The following SCHIP1 variants were observed in gnomAD, a reference collection of about 807,000 sequenced individuals.
SCHIP1 encodes the protein schwannomin-interacting protein 1.
SCHIP1 carries 8 observed loss-of-function variants against 29.7 expected under a neutral mutation model. The ratio of observed to expected loss-of-function variants is 0.27; its 90% CI spans 0.16 to 0.49. The LOEUF is 0.49. Ranked by LOEUF, SCHIP1 falls within the 20% of genes least tolerant of loss-of-function variation. The pLI, the probability that SCHIP1 is intolerant of heterozygous loss-of-function variation, is 0.99. For missense variants in SCHIP1, 193 were observed against 294.6 expected, an observed-to-expected ratio of 0.66 and a Z score of 2.52; for synonymous variants, 76 against 94.9, an observed-to-expected ratio of 0.80 and a Z score of 1.16.
At chr3:159,368,011 T>TCTAA in the SCHIP1 span, among the ~76,000 whole-genome samples, 3 of 152,168 alleles carry the variant, frequency 2.0e-5, no homozygotes, top group Non-Finnish European at 2.9e-5. Flanking sequence ...ATTCCAACTT[T>TCTAA]CTAACTATTG....
the SCHIP1 span, among the ~76,000 whole-genome samples, chr3:159,782,950 G>A: frequency 1.3e-5 from 2 of 152,202 alleles, no homozygotes; most frequent in East Asian, 3.8e-4. Context: ...TTCATCTGCG[G>A]CAGCATGTCC....
intron 2 of SCHIP1, among the ~76,000 whole-genome samples, chr3:159,875,972 A>G (rs1264162710): frequency 6.6e-6 from 1 of 152,232 alleles, no homozygotes; most frequent in Non-Finnish European, 1.5e-5. Context: ...ATTTCTGATG[A>G]GAACAGAAAC....
the SCHIP1 span, among the ~76,000 whole-genome samples, chr3:159,694,110 T>C: frequency 3.1e-3 from 472 of 152,324 alleles, 3 homozygotes; most frequent in Middle Eastern, 0.01. Context: ...CATATCATGA[T>C]CTACTTAACA....
the SCHIP1 span, among the ~76,000 whole-genome samples, chr3:159,410,984 A>G: frequency 0.01 from 1,573 of 152,256 alleles, 34 homozygotes; most frequent in African/African-American, 0.036. Context: ...CAACATGGAT[A>G]GAACTAGAGG....
the SCHIP1 span, among the ~76,000 whole-genome samples, chr3:159,811,049 C>T: frequency 6.6e-6 from 1 of 152,160 alleles, no homozygotes; most frequent in African/African-American, 2.4e-5. Context: ...TCATTTACCT[C>T]ACGACTAATG....
the SCHIP1 span, among the ~76,000 whole-genome samples, chr3:159,665,844 C>T: frequency 3.3e-5 from 5 of 152,130 alleles, no homozygotes; most frequent in African/African-American, 1.2e-4. Flanking sequence ...AGGCATTTCC[C>T]ATTAGTCCTC....
At chr3:159,527,130 C>T in the SCHIP1 span, among the ~76,000 whole-genome samples, 4 of 152,182 alleles carry the variant, frequency 2.6e-5, no homozygotes, top group Non-Finnish European at 5.9e-5. Flanking sequence ...AATTCCCTTT[C>T]ACAACTTTCT....
the SCHIP1 span, among the ~76,000 whole-genome samples, chr3:159,618,884 A>G: frequency 3.9e-3 from 596 of 152,358 alleles, 4 homozygotes; most frequent in Non-Finnish European, 3.8e-3. Context: ...CGGAAGCCAC[A>G]TGGCCTAGGC....
chr3:159,609,727 T>TG, the SCHIP1 span, among the ~76,000 whole-genome samples: 4 of 152,164 alleles, frequency 2.6e-5, no homozygotes, highest in Non-Finnish European at 2.9e-5. Context: ...CTACGAGCCC[T>TG]GGACGACTCG....
At chr3:159,411,413 ACT>A in the SCHIP1 span, among the ~76,000 whole-genome samples, 1 of 152,064 alleles carries the variant, frequency 6.6e-6, no homozygotes, top group East Asian at 1.9e-4. Flanking sequence ...ATGTATACCT[ACT>A]CTGTGACCAG....
At chr3:159,713,243 A>AGAAG in the SCHIP1 span, among the ~76,000 whole-genome samples, 1 of 128,326 alleles carries the variant, frequency 7.8e-6, no homozygotes, top group South Asian at 2.3e-4. Flanking sequence ...GAAGAAAGAA[A>AGAAG]GAAAGAAAGA....
At chr3:159,668,775 C>G in the SCHIP1 span, among the ~76,000 whole-genome samples, 25 of 152,176 alleles carry the variant, frequency 1.6e-4, no homozygotes, top group South Asian at 2.1e-4. Flanking sequence ...ACTCTTTCCT[C>G]TTTCTGCAGT....
intron 6 of SCHIP1, chr3:159,894,623 T>C (rs1173464165): frequency 6.6e-6 from 1 of 151,718 alleles, no homozygotes; most frequent in African/African-American, 2.4e-5. Flanking sequence ...AAAACAGAGG[T>C]GATGTCATTT....
At chr3:159,514,335 A>G in the SCHIP1 span, among the ~76,000 whole-genome samples, 1 of 152,252 alleles carries the variant, frequency 6.6e-6, no homozygotes, top group Non-Finnish European at 1.5e-5. Context: ...ATTAGTCACT[A>G]TAGTACATTC....
At chr3:159,432,339 T>TGAGAGA in the SCHIP1 span, among the ~76,000 whole-genome samples, 244 of 69,312 alleles carry the variant, frequency 3.5e-3, 12 homozygotes, top group South Asian at 0.016. Context: ...TGTGTGTGTG[T>TGAGAGA]GAGAGAGAGA....
chr3:159,299,917 T>C, the SCHIP1 span, among the ~76,000 whole-genome samples: 1 of 152,096 alleles, frequency 6.6e-6, no homozygotes, highest in Non-Finnish European at 1.5e-5. Context: ...AGTAGGAGAC[T>C]ATAAATTGTC....
At chr3:159,778,928 CCA>C in the SCHIP1 span, among the ~76,000 whole-genome samples, 5 of 152,146 alleles carry the variant, frequency 3.3e-5, no homozygotes. Context: ...ATAAACTTGC[CCA>C]CAGTCTGCTT....
the SCHIP1 span, among the ~76,000 whole-genome samples, chr3:159,408,313 A>ATAATAATAT: frequency 6.6e-6 from 1 of 151,862 alleles, no homozygotes; most frequent in African/African-American, 2.4e-5. Context: ...AATAATAATA[A>ATAATAATAT]TAATAATCAG....
At chr3:159,862,423 C>CTA (rs1234399189) in intron 1 of SCHIP1, among the ~76,000 whole-genome samples, 1 of 152,188 alleles carries the variant, frequency 6.6e-6, no homozygotes, top group Non-Finnish European at 1.5e-5. Flanking sequence ...AACTATAATG[C>CTA]TACCATCTAT....
Sources: allele counts gnomAD v4.1 joint callset (sites outside exome capture counted in the v4.1 genomes callset), GRCh38; gene constraint gnomAD v4.1.1; transcripts MANE v1.5; gene names NCBI Gene and HGNC (gene_info 2026-07-23, HGNC 2026-07-21).